HTR4: variants seen among roughly 807,000 people sequenced by gnomAD.
HTR4 encodes 5-hydroxytryptamine (serotonin) receptor 4, G protein-coupled.
A neutral mutation model predicts 36.8 loss-of-function variants in HTR4; 16 were observed. The observed-to-expected ratio is 0.43, with a 90% CI of 0.29 to 0.66. HTR4 has a LOEUF of 0.66. Ranked by LOEUF, HTR4 falls within the 30% of genes least tolerant of loss-of-function variation. The pLI is 0.13. For missense variants in HTR4, 438 were observed against 490.9 expected (o/e 0.89, Z 1.02); for synonymous variants, 189 against 185.1 (o/e 1.02, Z -0.17).
intron 2 of HTR4, among the ~76,000 whole-genome samples, chr5:148,623,768 T>C (rs1752994307): frequency 2.0e-5 from 3 of 152,270 alleles, no homozygotes; most frequent in East Asian, 1.9e-4. Context: ...TTCTAGGTCC[T>C]CAGCTGATGT....
rs186885050 is a variant in HTR4, at chr5:148,526,788, T to C, written c.354-3442A>G. ...TAAGCCAGGCACAGAAGGACAAATA[T>C]TGCATGTTGTCCCTCATGTGAGGGA... is the stretch of plus-strand genomic sequence containing the variant. On this transcript the variant is annotated intron_variant, in intron 4 of 6. Coordinates refer to ENST00000377888, the MANE Select transcript of HTR4 (RefSeq NM_000870.7). 1.5e-3 allele frequency among the ~76,000 whole-genome samples: 229 copies of C among 152,166 alleles called. 2 individuals are homozygous for C. Among genetic ancestry groups the C allele is most frequent in the Admixed American group, 4.2e-3 (64 of 15,280 alleles).
chr5:148,458,047 ATATAT>A lies in HTR4; in HGVS notation c.1077-6780_1077-6776del, dbSNP rs1447487134. On this transcript the variant is annotated intron_variant, in intron 5 of 5. Transcript: ENST00000521530. Reference sequence around the variant, plus strand: ...TAAGATATATTTAATATATATTAAAATATATTATATTTTAAGATCTATTTAATAGA... The same window carrying A: ...TAAGATATATTTAATATATATTAAAATATATTTTAAGATCTATTTAATAGA... 1.5e-4 allele frequency among the ~76,000 whole-genome samples: 20 copies of A among 136,846 alleles called. No homozygotes were observed. In the South Asian group the frequency reaches 1.5e-3, roughly 11 times the overall value. 89.8% of individuals were successfully genotyped at this position (136,846 alleles called of 152,430 possible).
At chr5:148,462,629 A>G (rs944921889) in intron 5 of HTR4, among the ~76,000 whole-genome samples, 7 of 152,262 alleles carry the variant, frequency 4.6e-5, no homozygotes, top group Middle Eastern at 6.8e-3. Flanking sequence ...CTGTTTTAGA[A>G]GATACAAGCA....
At chr5:148,477,821 G>A (rs906274538), downstream of HTR4, among the ~76,000 whole-genome samples, 6 of 152,030 alleles carry the variant, frequency 3.9e-5, no homozygotes, top group Admixed American at 3.9e-4. Flanking sequence ...CTGCCCTAGT[G>A]CATTTGTATT....
intron 5 of HTR4, among the ~76,000 whole-genome samples, chr5:148,458,487 G>A (rs1181894088): frequency 6.6e-6 from 1 of 152,128 alleles, no homozygotes; most frequent in African/African-American, 2.4e-5. Flanking sequence ...TAAGATTATA[G>A]CTACAAGTAG....
chr5:148,481,495 T>C (rs1472802464), downstream of HTR4: 9 of 1,392,600 alleles, frequency 6.5e-6, no homozygotes, highest in Non-Finnish European at 8.7e-6. Flanking sequence ...AAAACATGAC[T>C]TTCTCCCCAA....
downstream of HTR4, among the ~76,000 whole-genome samples, chr5:148,475,045 C>A (rs1429067134): frequency 1.4e-5 from 2 of 147,522 alleles, no homozygotes; most frequent in Admixed American, 6.7e-5. Flanking sequence ...ACTCCTTCTC[C>A]AAAAAAAAAA....
In HTR4 at chr5:148,512,792, C is replaced by T. The variant is rs532920917; in HGVS notation, c.508-2768G>A. 3.9e-5 allele frequency among the ~76,000 whole-genome samples: 6 copies of T among 152,076 alleles called. No individual in the cohort carries two copies. The South Asian group carries it at 6.2e-4, about 16-fold the overall frequency. On this transcript the variant is annotated intron_variant, in intron 5 of 6. Transcript: ENST00000377888. ...TAAAAAAATACAAAAATTAGCCAGG[C>T]GTGGTGGCAGGCACCTGAATTCTAG...
chr5:148,550,726 G>A (rs1391548362), intron 2 of HTR4, among the ~76,000 whole-genome samples: 2 of 152,152 alleles, frequency 1.3e-5, no homozygotes, highest in African/African-American at 4.8e-5. Context: ...AAGTTAAACT[G>A]ACCAGGCCCA....
chr5:148,602,904 C>A (rs554123976), intron 2 of HTR4, among the ~76,000 whole-genome samples: 1 of 151,912 alleles, frequency 6.6e-6, no homozygotes, highest in East Asian at 1.9e-4. Flanking sequence ...GGAGAAATTC[C>A]CAGAAAATCA....
intron 5 of HTR4, among the ~76,000 whole-genome samples, chr5:148,510,457 A>G (rs920004601): frequency 2.6e-5 from 4 of 152,202 alleles, no homozygotes; most frequent in Non-Finnish European, 5.9e-5. Context: ...CTGCTTGCAC[A>G]TAACAGATCA....
intron 2 of HTR4, among the ~76,000 whole-genome samples, chr5:148,566,034 G>A (rs1454251560): frequency 6.6e-6 from 1 of 152,106 alleles, no homozygotes; most frequent in African/African-American, 2.4e-5. Flanking sequence ...AATCCTTATA[G>A]CTGTTCATAA....
At chr5:148,615,462 T>C (rs1752625153) in intron 2 of HTR4, among the ~76,000 whole-genome samples, 1 of 138,436 alleles carries the variant, frequency 7.2e-6, no homozygotes, top group African/African-American at 2.7e-5. Context: ...TTCTCACTCA[T>C]AGGTGGGAAT....
intron 5 of HTR4, among the ~76,000 whole-genome samples, chr5:148,517,372 T>A (rs1401955940): frequency 6.0e-5 from 9 of 149,722 alleles, no homozygotes; most frequent in Admixed American, 6.0e-4. Flanking sequence ...ATGGTCCACT[T>A]TTTTTTTTCT....
chr5:148,508,905 A>ATG (rs1342620060), intron 6 of HTR4, among the ~76,000 whole-genome samples: 1 of 152,148 alleles, frequency 6.6e-6, no homozygotes, highest in Admixed American at 6.5e-5. Flanking sequence ...TGAGATGAGA[A>ATG]TTAACATTCT....
At chr5:148,638,176 C>CT (rs1463568951) in intron 1 of HTR4, among the ~76,000 whole-genome samples, 4 of 152,274 alleles carry the variant, frequency 2.6e-5, no homozygotes, top group Non-Finnish European at 5.9e-5. Context: ...CCTCGACTCT[C>CT]TGTGTTTTTC....
At chr5:148,477,023 A>G (rs1261409880), downstream of HTR4, among the ~76,000 whole-genome samples, 1 of 152,182 alleles carries the variant, frequency 6.6e-6, no homozygotes, top group Non-Finnish European at 1.5e-5. Flanking sequence ...AAAAACTCTA[A>G]CAGTGGACTT....
At chr5:148,515,665 G>T (rs1757710904) in intron 5 of HTR4, among the ~76,000 whole-genome samples, 1 of 151,898 alleles carries the variant, frequency 6.6e-6, no homozygotes. Context: ...TCATTTTATT[G>T]CATGGTCAGC....
chr5:148,570,847 T>C (rs974709797), intron 2 of HTR4, among the ~76,000 whole-genome samples: 5 of 152,024 alleles, frequency 3.3e-5, no homozygotes, highest in Admixed American at 1.3e-4. Flanking sequence ...TTTGTTTTTG[T>C]TTTTGTTTTA....
Sources: allele counts gnomAD v4.1 joint callset (sites outside exome capture counted in the v4.1 genomes callset), GRCh38; gene constraint gnomAD v4.1.1; transcripts MANE v1.5; gene names NCBI Gene and HGNC (gene_info 2026-07-23, HGNC 2026-07-21).